Variants in AFG2A observed in about 807,000 individuals in gnomAD.
The protein encoded by AFG2A is ATPase family gene 2 protein homolog A.
the AFG2A span, among the ~76,000 whole-genome samples, chr4:122,987,294 G>T: frequency 0.012 from 1,837 of 152,170 alleles, 42 homozygotes; most frequent in African/African-American, 0.041. Flanking sequence ...CTTTAACAAT[G>T]CATATAGAAT....
chr4:122,984,086 C>A, the AFG2A span, among the ~76,000 whole-genome samples: 1 of 152,192 alleles, frequency 6.6e-6, no homozygotes, highest in South Asian at 2.1e-4. Flanking sequence ...CAACACCCCT[C>A]AAAAATCACA....
the AFG2A span, among the ~76,000 whole-genome samples, chr4:123,282,651 GCCA>G: frequency 3.9e-5 from 6 of 152,068 alleles, no homozygotes; most frequent in Non-Finnish European, 7.4e-5. Flanking sequence ...AGGTCACACA[GCCA>G]CCGCTGTGAG....
At chr4:122,931,582 T>C in the AFG2A span, among the ~76,000 whole-genome samples, 1 of 152,142 alleles carries the variant, frequency 6.6e-6, no homozygotes, top group Non-Finnish European at 1.5e-5. Context: ...CTGGTAGATT[T>C]TATTTTCTTT....
At chr4:123,089,028 C>T in the AFG2A span, among the ~76,000 whole-genome samples, 1 of 152,166 alleles carries the variant, frequency 6.6e-6, no homozygotes, top group Non-Finnish European at 1.5e-5. Context: ...AAACAGTTCT[C>T]ATTGACTTTG....
chr4:123,200,376 A>G, the AFG2A span, among the ~76,000 whole-genome samples: 2 of 152,358 alleles, frequency 1.3e-5, no homozygotes, highest in African/African-American at 2.4e-5. Flanking sequence ...CCTGTATGTC[A>G]TCTTGGGAGC....
chr4:123,080,983 T>A, the AFG2A span, among the ~76,000 whole-genome samples: 97 of 152,170 alleles, frequency 6.4e-4, 1 homozygote, highest in African/African-American at 2.1e-3. Flanking sequence ...ACACCAACAT[T>A]GAGTGGAAAG....
chr4:123,205,546 A>G, the AFG2A span, among the ~76,000 whole-genome samples: 1 of 152,190 alleles, frequency 6.6e-6, no homozygotes, highest in African/African-American at 2.4e-5. Flanking sequence ...TGGCATTTAC[A>G]TTGTGTTAGC....
the AFG2A span, among the ~76,000 whole-genome samples, chr4:122,986,395 G>T: frequency 3.3e-5 from 5 of 152,236 alleles, no homozygotes; most frequent in Admixed American, 2.0e-4. Flanking sequence ...TACTATTATT[G>T]TGTTGCTGTC....
the AFG2A span, among the ~76,000 whole-genome samples, chr4:123,126,542 CAT>C: frequency 1.4e-4 from 21 of 152,160 alleles, no homozygotes; most frequent in African/African-American, 4.6e-4. Context: ...ATAATCCCCA[CAT>C]GTCATGGGAG....
the AFG2A span, among the ~76,000 whole-genome samples, chr4:123,212,972 A>C: frequency 6.6e-6 from 1 of 152,200 alleles, no homozygotes; most frequent in African/African-American, 2.4e-5. Flanking sequence ...TTAGCCATTA[A>C]CAGCATAATC....
the AFG2A span, among the ~76,000 whole-genome samples, chr4:123,101,512 A>C: frequency 5.9e-5 from 9 of 152,056 alleles, no homozygotes; most frequent in African/African-American, 1.4e-4. Flanking sequence ...AAAACCAGCT[A>C]TTTTAATTTC....
chr4:123,075,608 A>G, the AFG2A span, among the ~76,000 whole-genome samples: 1 of 152,066 alleles, frequency 6.6e-6, no homozygotes, highest in Non-Finnish European at 1.5e-5. Flanking sequence ...GTACATGTTA[A>G]TAGAAAGGGA....
At chr4:123,290,956 T>C in the AFG2A span, among the ~76,000 whole-genome samples, 1 of 152,178 alleles carries the variant, frequency 6.6e-6, no homozygotes, top group Non-Finnish European at 1.5e-5. Context: ...GAGCATTTGT[T>C]TTATGAATCT....
chr4:123,273,688 A>G, the AFG2A span, among the ~76,000 whole-genome samples: 1 of 152,186 alleles, frequency 6.6e-6, no homozygotes, highest in African/African-American at 2.4e-5. Flanking sequence ...ACTTCATGTG[A>G]TGGGCTGCAG....
chr4:123,073,399 T>A, the AFG2A span, among the ~76,000 whole-genome samples: 15 of 152,150 alleles, frequency 9.9e-5, no homozygotes, highest in African/African-American at 3.6e-4. Flanking sequence ...TTTATTTGTA[T>A]ACATGCTTAA....
At chr4:122,964,990 T>C in the AFG2A span, among the ~76,000 whole-genome samples, 1 of 152,168 alleles carries the variant, frequency 6.6e-6, no homozygotes, top group Non-Finnish European at 1.5e-5. Context: ...TTCTGATATT[T>C]TGAGGAAAGT....
the AFG2A span, among the ~76,000 whole-genome samples, chr4:123,064,616 C>T: frequency 2.6e-5 from 4 of 152,170 alleles, no homozygotes; most frequent in African/African-American, 9.7e-5. Flanking sequence ...ATCAAAAGTG[C>T]AGACATGTAG....
At chr4:123,085,602 G>A in the AFG2A span, among the ~76,000 whole-genome samples, 1 of 149,354 alleles carries the variant, frequency 6.7e-6, no homozygotes, top group African/African-American at 2.5e-5. Context: ...TGTTGGTAAA[G>A]TGGGTTTCTT....
At chr4:123,148,079 G>A in the AFG2A span, among the ~76,000 whole-genome samples, 1 of 152,164 alleles carries the variant, frequency 6.6e-6, no homozygotes, top group African/African-American at 2.4e-5. Flanking sequence ...AGATGGTAGT[G>A]TTAAATCACT....
Sources: gnomAD v4.1 joint callset for allele counts (sites outside exome capture counted in the v4.1 genomes callset) on GRCh38, gnomAD v4.1.1 for gene constraint, MANE v1.5 for transcripts, NCBI Gene and HGNC (gene_info 2026-07-23, HGNC 2026-07-21) for gene names.